Variants in CCDC150 observed in about 807,000 individuals in gnomAD.
CCDC150 encodes the protein coiled-coil domain-containing protein 150.
Under a neutral mutation model 156.5 loss-of-function variants are expected in CCDC150, and 151 were observed. The observed-to-expected ratio is 0.97, with a 90% CI of 0.85 to 1.10. The LOEUF (loss-of-function observed/expected upper bound fraction) is 1.10. CCDC150 is among the 50% of genes least tolerant of loss of function. The pLI, the probability that CCDC150 is intolerant of heterozygous loss-of-function variation, is 0.00. For missense variants in CCDC150, 1,312 were observed against 1,268.1 expected, an observed-to-expected ratio of 1.03 and a Z score of -0.53; for synonymous variants, 452 against 429.4, an observed-to-expected ratio of 1.05 and a Z score of -0.65.
chr2:196,639,845 G>T, intron 1 of CCDC150, 67 bp downstream of exon 1: 1 of 1,426,948 alleles, frequency 7.0e-7, no homozygotes, highest in Non-Finnish European at 9.5e-7. Context: ...GCTCAGATAA[G>T]GACAGTCACC....
intron 15 of CCDC150, among the ~76,000 whole-genome samples, chr2:196,706,116 A>G (rs2125677030): frequency 6.6e-6 from 1 of 152,336 alleles, no homozygotes; most frequent in East Asian, 1.9e-4. Flanking sequence ...GAATCTATAA[A>G]TTACCTTGGG....
At chr2:196,661,286 A>G (rs1275498645) in intron 5 of CCDC150, among the ~76,000 whole-genome samples, 1 of 152,210 alleles carries the variant, frequency 6.6e-6, no homozygotes, top group Admixed American at 6.5e-5. Context: ...ATAAACAGAA[A>G]TTTATTTGTT....
In CCDC150 at chr2:196,729,862, G is replaced by T. The variant is rs750154871; in HGVS notation, c.2820+1G>T. The T allele has an allele frequency of 1.9e-6, 3 of 1,602,304 alleles. No individual in the cohort carries two copies. The South Asian group carries it at 3.4e-5, about 18-fold the overall frequency. ...ATATCAGAAAAAGAACTATGAACAG[G>T]TAGATGATTTCCATATACTCTGTGT... On this transcript the variant is annotated splice_donor_variant, in intron 24 of 27. Transcript: ENST00000389175. LOFTEE classifies it high-confidence loss of function.
intron 15 of CCDC150, among the ~76,000 whole-genome samples, chr2:196,701,930 T>A (rs1183996213): frequency 6.6e-6 from 1 of 152,154 alleles, no homozygotes; most frequent in East Asian, 1.9e-4. Context: ...ATTTAAAACA[T>A]TTTATAAAAT....
chr2:196,667,906 C>T (rs1185593751), intron 7 of CCDC150: 1 of 152,154 alleles, frequency 6.6e-6, no homozygotes, highest in East Asian at 1.9e-4. Context: ...AATTGTGTGC[C>T]TACAAAAATA....
chr2:196,719,331 C>A (rs1215597473), intron 18 of CCDC150, 166 bp from the exon 19 acceptor site: 1 of 514,436 alleles, frequency 1.9e-6, no homozygotes. Context: ...TCAACAATAA[C>A]TTAAGAAACC....
rs1272310348 is a variant in CCDC150 at position 196,732,488 on chromosome 2, C to T, written c.3232C>T (p.Leu1078=). The T allele has an allele frequency of 6.2e-7, 1 of 1,613,750 alleles. No individual in the cohort carries two copies. The highest frequency in any genetic ancestry group is 8.5e-7 in the Non-Finnish European group (1 of 1,179,750). ...KHDVMSNQSV[L]HRWERKQNLR... ...TGATGTCATGTCCAACCAATCTGTT[C>T]TGCATCGATGGGAGAGAAAACAGAA... The change falls in exon 28 of 28, where the codon CTG becomes TTG. Residue 1078 remains leucine (L), a synonymous_variant. Coordinates refer to ENST00000389175, the MANE Select transcript of CCDC150 (RefSeq NM_001080539.2).
intron 15 of CCDC150, among the ~76,000 whole-genome samples, chr2:196,705,989 G>T (rs561958165): frequency 6.6e-6 from 1 of 152,332 alleles, no homozygotes; most frequent in East Asian, 1.9e-4. Context: ...GTAGCATGAT[G>T]CCTCCAGCTT....
At chr2:196,704,828 G>A (rs532509971) in intron 15 of CCDC150, among the ~76,000 whole-genome samples, 1 of 152,232 alleles carries the variant, frequency 6.6e-6, no homozygotes, top group Admixed American at 6.5e-5. Flanking sequence ...GAGATAGTTT[G>A]CTGATAATGA....
chr2:196,677,714 G>A (rs1694595623), intron 13 of CCDC150, among the ~76,000 whole-genome samples: 1 of 152,218 alleles, frequency 6.6e-6, no homozygotes, highest in African/African-American at 2.4e-5. Context: ...CTAACGGCTG[G>A]GTGAGGTGGC....
intron 15 of CCDC150, among the ~76,000 whole-genome samples, chr2:196,705,320 T>G (rs1260026276): frequency 6.6e-6 from 1 of 152,252 alleles, no homozygotes; most frequent in Non-Finnish European, 1.5e-5. Flanking sequence ...ATGAGCATTT[T>G]TTCATGTGTC....
At position 196,681,482 on chromosome 2, in the gene CCDC150, G is replaced by GAT. The variant is rs547285173; in HGVS notation, c.1509+4130_1509+4131dup. 5.5e-3 allele frequency among the ~76,000 whole-genome samples: 831 copies of GAT among 152,118 alleles called. 4 individuals are homozygous for GAT. Among genetic ancestry groups the GAT allele is most frequent in the African/African-American group, 0.019 (804 of 41,478 alleles). On this transcript the variant is annotated intron_variant, in intron 13 of 27. Transcript: ENST00000389175. ...TCAGTACCTCTTTTCAATTCTTTGT[G>GAT]ATATATATATCTAACAGTGGAATTT...
intron 1 of CCDC150, 84 bp from the exon 2 acceptor site, chr2:196,646,257 G>T: frequency 7.8e-7 from 1 of 1,277,624 alleles, no homozygotes; most frequent in Non-Finnish European, 1.1e-6. Context: ...GGACAGTGAT[G>T]CCTAATCCTG....
At chr2:196,707,513 G>A (rs1004300587) in intron 15 of CCDC150, among the ~76,000 whole-genome samples, 1 of 151,990 alleles carries the variant, frequency 6.6e-6, no homozygotes, top group Non-Finnish European at 1.5e-5. Context: ...GTCTCCTTCA[G>A]TTCTGCTCTG....
At chr2:196,697,646 G>A (rs542077816) in intron 14 of CCDC150, among the ~76,000 whole-genome samples, 7 of 151,918 alleles carry the variant, frequency 4.6e-5, no homozygotes, top group African/African-American at 1.7e-4. Flanking sequence ...ATTTGCTGGG[G>A]CTCATGTCAT....
At chr2:196,711,378 A>G (rs1398561729) in intron 15 of CCDC150, among the ~76,000 whole-genome samples, 1 of 152,176 alleles carries the variant, frequency 6.6e-6, no homozygotes, top group Non-Finnish European at 1.5e-5. Flanking sequence ...CACTCTACAG[A>G]TAGGAAACAA....
Position 196,732,016 on chromosome 2 carries a change from G to A in CCDC150, c.3070-17G>A, listed in dbSNP as rs1698545133. On this transcript the variant is annotated splice_polypyrimidine_tract_variant and intron_variant, in intron 26 of 27. Transcript: ENST00000389175. Reference sequence around the variant, plus strand: ...CTCTTTCTTTGTGTCTTTTAATGGTGATATTTATATGTTCAGATAACAGCT... The same window carrying A: ...CTCTTTCTTTGTGTCTTTTAATGGTAATATTTATATGTTCAGATAACAGCT... The A allele has an allele frequency of 6.2e-7, 1 of 1,610,004 alleles. No individual in the cohort carries two copies.
chr2:196,688,604 T>C (rs1695254870), intron 13 of CCDC150, among the ~76,000 whole-genome samples: 1 of 152,290 alleles, frequency 6.6e-6, no homozygotes, highest in Non-Finnish European at 1.5e-5. Flanking sequence ...TGTTTTTTTC[T>C]TGTAAATTTG....
intron 9 of CCDC150, among the ~76,000 whole-genome samples, chr2:196,673,137 A>T (rs1477705692): frequency 6.6e-6 from 1 of 152,170 alleles, no homozygotes; most frequent in Non-Finnish European, 1.5e-5. Flanking sequence ...TACTCTTTCT[A>T]TACTAATAGT....
Sources: allele counts gnomAD v4.1 joint callset (sites outside exome capture counted in the v4.1 genomes callset), GRCh38; gene constraint gnomAD v4.1.1; transcripts MANE v1.5; gene names NCBI Gene and HGNC (gene_info 2026-07-23, HGNC 2026-07-21).